CELSR1: variants seen among roughly 807,000 people sequenced by gnomAD.
The protein encoded by CELSR1 is cadherin EGF LAG seven-pass G-type receptor 1.
CELSR1 carries 110 observed loss-of-function variants against 249.1 expected under a neutral mutation model. The ratio of observed to expected loss-of-function variants is 0.44; its 90% CI spans 0.38 to 0.52. CELSR1 has a LOEUF of 0.52. CELSR1 is among the 20% of genes least tolerant of loss of function. The probability of loss-of-function intolerance (pLI) is 0.00; values close to 1 mark genes in which losing one functional copy is unlikely to be tolerated. For synonymous variants in CELSR1, 2,113 were observed against 1,900.0 expected (o/e 1.11, Z -2.92); for missense variants, 4,109 against 4,296.4 (o/e 0.96, Z 1.22).
intron 1 of CELSR1, among the ~76,000 whole-genome samples, chr22:46,531,315 C>T (rs1246041132): frequency 6.6e-6 from 1 of 152,086 alleles, no homozygotes; most frequent in Non-Finnish European, 1.5e-5. Context: ...AAGCAATTTT[C>T]CTGCCTCAGC....
intron 2 of CELSR1, among the ~76,000 whole-genome samples, chr22:46,461,683 G>A (rs2080029437): frequency 6.6e-6 from 1 of 152,262 alleles, no homozygotes; most frequent in Non-Finnish European, 1.5e-5. Context: ...GTCTGGCTGT[G>A]TGCGCTGGCC....
chr22:46,378,500 G>GGCAGGTTTGGCGGGGAGGT (rs1275543899), intron 23 of CELSR1, 91 bp downstream of exon 23: 36 of 1,425,026 alleles, frequency 2.5e-5, no homozygotes, highest in African/African-American at 7.1e-5. Flanking sequence ...TTTGAGGACG[G>GGCAGGTTTGGCGGGGAGGT]GCAGGTTTGG....
rs2079267098 is a variant in CELSR1, at chr22:46,406,484, C to T, written c.5226+2512G>A. Among the ~76,000 whole-genome samples the T allele has an allele frequency of 6.6e-6, 1 of 152,214 alleles. No individual in the cohort carries two copies. The highest frequency in any genetic ancestry group is 2.4e-5 in the African/African-American group (1 of 41,462). On this transcript the variant is annotated intron_variant, in intron 9 of 34. Coordinates refer to ENST00000674500, the MANE Select transcript of CELSR1 (RefSeq NM_001378328.1). The surrounding 1 kb of genome is among the most constrained non-coding windows in gnomAD (Gnocchi z 5.4). ...ACAGCCCCGACCCATCTCCTGAGCC[C>T]TCGCTGATCTGCTGAGGGACTGACC...
In CELSR1 at chr22:46,413,884, A is replaced by G. The variant is rs2079365990; in HGVS notation, c.4612-2125T>C. Among the ~76,000 whole-genome samples the G allele has an allele frequency of 6.6e-6, 1 of 152,188 alleles. No homozygotes were observed. ...ACTTTGTGAGCCCCACCTTATCTTT[A>G]CAACTTATAATTTACATTTTTGGGG... is the stretch of plus-strand genomic sequence containing the variant. On this transcript the variant is annotated intron_variant, in intron 5 of 34. Coordinates refer to ENST00000674500, the MANE Select transcript of CELSR1 (RefSeq NM_001378328.1). The surrounding 1 kb of genome is among the most constrained non-coding windows in gnomAD (Gnocchi z 4.7).
At chr22:46,486,736 G>A (rs35483218) in intron 1 of CELSR1, among the ~76,000 whole-genome samples, 83,289 of 151,328 alleles carry the variant, frequency 0.55, 23,210 homozygotes, top group African/African-American at 0.64. Flanking sequence ...CCAGCTACTC[G>A]GGAGGCTGCA....
chr22:46,372,835 C>A, intron 25 of CELSR1, 48 bp downstream of exon 25: 1 of 1,554,354 alleles, frequency 6.4e-7, no homozygotes, highest in Non-Finnish European at 8.7e-7. Flanking sequence ...CAGCTGGGGT[C>A]TGTTGGAAAT....
At position 46,381,952 on chromosome 22, in the gene CELSR1, G is replaced by A; in HGVS notation, c.6982C>T (p.Arg2328Ter). 1.3e-6 allele frequency: 2 copies of A among 1,563,822 alleles called. No homozygotes were observed. Among genetic ancestry groups the A allele is most frequent in the Non-Finnish European group, 1.7e-6 (2 of 1,156,482 alleles). ...EREAPISRRR[R>*]HPDDAGQFAV... is the part of the protein sequence containing the mutation. ...AACTGGCCAGCGTCATCAGGGTGTC[G>A]CCTCCGCCTGCTGATCGGGGCCTCC... is the stretch of plus-strand genomic sequence containing the variant. The change falls in exon 21 of 35, where the codon CGA becomes TGA. Residue 2328 changes from arginine (R) to a stop codon, truncating the protein, a stop_gained. Coordinates refer to ENST00000674500, the MANE Select transcript of CELSR1 (RefSeq NM_001378328.1). LOFTEE classifies it high-confidence loss of function. The surrounding 1 kb of genome is among the most constrained non-coding windows in gnomAD (Gnocchi z 6.0).
chr22:46,525,422 C>G (rs2080729170), intron 1 of CELSR1, among the ~76,000 whole-genome samples: 1 of 146,614 alleles, frequency 6.8e-6, no homozygotes, highest in Non-Finnish European at 1.5e-5. Context: ...GCACTCCAGC[C>G]TGGGCAACAA....
chr22:46,384,788 ATATT>A (rs528128044), intron 19 of CELSR1, 102 bp from the exon 20 acceptor site: 278 of 1,260,874 alleles, frequency 2.2e-4, no homozygotes, highest in Middle Eastern at 8.3e-4. Flanking sequence ...CTGGCTGGCC[ATATT>A]TATTTATTTA....
chr22:46,450,602 C>T (rs904466219), intron 2 of CELSR1, among the ~76,000 whole-genome samples: 2 of 152,240 alleles, frequency 1.3e-5, no homozygotes, highest in Admixed American at 6.5e-5. Flanking sequence ...GTTAAGCCTG[C>T]ATCTGCCTTA....
intron 1 of CELSR1, chr22:46,481,754 G>A (rs984165321): frequency 2.2e-5 from 10 of 463,484 alleles, no homozygotes; most frequent in Non-Finnish European, 3.9e-5. Flanking sequence ...GCAACCCTGT[G>A]CTGCCCCAGT....
rs773936559 is a variant in CELSR1 at position 46,369,707 on chromosome 22, G to A, written c.7857C>T (p.Ile2619=). Residue 2619 remains isoleucine, a synonymous_variant, in exon 26 of 35, where the codon ATC becomes ATT. Transcript: ENST00000674500. Reference sequence around the variant, plus strand: ...CCACACTCACGATTATAACAGCTCCGATGGGCCCCGCAAAGCTCCAAATCA... The same window carrying A: ...CCACACTCACGATTATAACAGCTCCAATGGGCCCCGCAAAGCTCCAAATCA... ...DTLIWSFAGP[I]GAVIIINTVT... 9.9e-6 allele frequency: 16 copies of A among 1,613,444 alleles called. No individual in the cohort carries two copies. The highest frequency in any genetic ancestry group is 1.7e-4 in the Middle Eastern group (1 of 6,058).
chr22:46,478,842 G>A (rs1054268767), intron 1 of CELSR1, among the ~76,000 whole-genome samples: 15 of 151,700 alleles, frequency 9.9e-5, no homozygotes, highest in Non-Finnish European at 1.5e-4. Flanking sequence ...GTGAGCCACC[G>A]TGCCCAGCCG....
chr22:46,377,306 G>T, intron 23 of CELSR1, 45 bp from the exon 24 acceptor site: 1 of 1,582,704 alleles, frequency 6.3e-7, no homozygotes, highest in Non-Finnish European at 8.7e-7. Context: ...TAAGGGCCGA[G>T]GCTCAGATCT....
intron 1 of CELSR1, among the ~76,000 whole-genome samples, chr22:46,495,488 C>T (rs1017856212): frequency 7.9e-5 from 12 of 152,174 alleles, no homozygotes; most frequent in African/African-American, 2.2e-4. Context: ...CATAACTGTG[C>T]ACTCCTGCAG....
At chr22:46,521,503 T>C (rs899760682) in intron 1 of CELSR1, among the ~76,000 whole-genome samples, 1 of 141,834 alleles carries the variant, frequency 7.1e-6, no homozygotes, top group African/African-American at 2.7e-5. Flanking sequence ...AGACTCCATC[T>C]CAAAAAAAAA....
intron 9 of CELSR1, among the ~76,000 whole-genome samples, chr22:46,400,290 T>C (rs1231342496): frequency 6.7e-6 from 1 of 149,906 alleles, no homozygotes; most frequent in Non-Finnish European, 1.5e-5. Context: ...GATCGCAGCA[T>C]TGCACTCCAC....
chr22:46,500,904 C>T lies in CELSR1; in HGVS notation c.3544+32723G>A, dbSNP rs1028637371. ...CCATGATGGGACCCGAAAATCAGCC[C>T]ATTTACATGCCAAGTGCTGAGAACC... On this transcript the variant is annotated intron_variant, in intron 1 of 34. Transcript: ENST00000674500. The surrounding 1 kb of genome is among the most constrained non-coding windows in gnomAD (Gnocchi z 4.9). Among the ~76,000 whole-genome samples, 1 of 152,166 alleles carries T rather than the reference C, an allele frequency of 6.6e-6. No homozygotes were observed. The highest frequency in any genetic ancestry group is 2.4e-5 in the African/African-American group (1 of 41,438).
intron 1 of CELSR1, among the ~76,000 whole-genome samples, chr22:46,498,951 A>G (rs2080440901): frequency 6.6e-6 from 1 of 152,038 alleles, no homozygotes; most frequent in Admixed American, 6.6e-5. Context: ...AGGCCGAGGC[A>G]GGTGGACTAC....
Sources: allele counts gnomAD v4.1 joint callset (sites outside exome capture counted in the v4.1 genomes callset), GRCh38; gene constraint gnomAD v4.1.1; non-coding constraint Gnocchi (gnomAD v3.1); transcripts MANE v1.5; gene names NCBI Gene and HGNC (gene_info 2026-07-23, HGNC 2026-07-21).